HIVEP1: variants seen among roughly 807,000 people sequenced by gnomAD.
The protein encoded by HIVEP1 is HIVEP zinc finger 1, also known as zinc finger protein 40.
HIVEP1 carries 36 observed loss-of-function variants against 180.0 expected under a neutral mutation model. The ratio of observed to expected loss-of-function variants is 0.20; its 90% CI spans 0.15 to 0.26. The LOEUF (loss-of-function observed/expected upper bound fraction) is 0.26. Among genes scored for constraint, HIVEP1 ranks in the 10% least tolerant of loss-of-function variants. The probability of loss-of-function intolerance (pLI) is 1.00; values close to 1 mark genes in which losing one functional copy is unlikely to be tolerated. For missense variants in HIVEP1, 3,143 were observed against 3,268.7 expected (o/e 0.96, Z 0.94); for synonymous variants, 1,239 against 1,239.0 (o/e 1.00, Z 0.00).
chr6:12,050,139 G>T (rs1007954910), intron 2 of HIVEP1, among the ~76,000 whole-genome samples: 4 of 152,064 alleles, frequency 2.6e-5, no homozygotes, highest in Non-Finnish European at 4.4e-5. Flanking sequence ...CACCTACTCC[G>T]CCAGCCCAGT....
the HIVEP1 span, among the ~76,000 whole-genome samples, chr6:12,188,133 T>C: frequency 6.6e-6 from 1 of 152,164 alleles, no homozygotes; most frequent in Admixed American, 6.5e-5. Flanking sequence ...TGGATAACAA[T>C]ATAAATGTCA....
chr6:12,035,869 T>TA (rs1196877397), intron 2 of HIVEP1, among the ~76,000 whole-genome samples: 2 of 152,084 alleles, frequency 1.3e-5, no homozygotes, highest in Non-Finnish European at 2.9e-5. Flanking sequence ...GATAGAAAAA[T>TA]ATAAACTGCT....
chr6:12,141,169 C>A (rs1307658357), intron 7 of HIVEP1, among the ~76,000 whole-genome samples: 1 of 152,186 alleles, frequency 6.6e-6, no homozygotes, highest in African/African-American at 2.4e-5. Flanking sequence ...AACAGCAGAT[C>A]TCTCGGCAGA....
the HIVEP1 span, among the ~76,000 whole-genome samples, chr6:12,192,861 T>TA: frequency 6.6e-6 from 1 of 151,866 alleles, no homozygotes; most frequent in Non-Finnish European, 1.5e-5. Context: ...TTTTTTTTTT[T>TA]ACAATACAGC....
At position 12,121,130 on chromosome 6, in the gene HIVEP1, T is replaced by C; in HGVS notation, c.1335T>C (p.Thr445=). The change falls in exon 4 of 9, where the codon ACT becomes ACC. Residue 445 remains threonine, a synonymous_variant. Transcript: ENST00000379388. This position sits in a 1 kb window ranked among gnomAD's most constrained non-coding sequence, Gnocchi z 5.3. ...TGACTTGTGGATTTTCATTTAAGAC[T>C]AAAAGTAATCTGTATAAGCACAAGA... ...PCVTCGFSFK[T]KSNLYKHKKS... 2 of 1,614,166 alleles carry C rather than the reference T, an allele frequency of 1.2e-6. No homozygotes were observed. Among genetic ancestry groups the C allele is most frequent in the Admixed American group, 3.3e-5 (2 of 60,030 alleles).
At chr6:12,098,541 T>C (rs1471591617) in intron 3 of HIVEP1, among the ~76,000 whole-genome samples, 2 of 152,224 alleles carry the variant, frequency 1.3e-5, no homozygotes, top group Non-Finnish European at 2.9e-5. Flanking sequence ...TTTCCCCAGG[T>C]TTGCTACTGT....
Position 12,121,277 on chromosome 6 carries a change from G to C in HIVEP1, c.1482G>C (p.Glu494Asp). ...SIHSDVEDSGESEEEGATDER... is the reference protein window; with the variant it reads ...SIHSDVEDSGDSEEEGATDER... Reference sequence around the variant, plus strand: ...ATTCAGACGTAGAAGACAGTGGGGAGAGCGAGGAGGAAGGCGCCACTGATG... The same window carrying C: ...ATTCAGACGTAGAAGACAGTGGGGACAGCGAGGAGGAAGGCGCCACTGATG... The change falls in exon 4 of 9, where the codon GAG becomes GAC. Residue 494 changes from glutamate (E) to aspartate (D), a missense_variant. By Grantham distance (45) the Glu-to-Asp change is conservative. Around this residue, in one of 12 missense-constraint regions of HIVEP1, gnomAD observed 365 missense variants for 344.4 expected, o/e 1.06. Coordinates refer to ENST00000379388, the MANE Select transcript of HIVEP1 (RefSeq NM_002114.4). The surrounding 1 kb of genome is among the most constrained non-coding windows in gnomAD (Gnocchi z 5.3). 6.2e-7 allele frequency: 1 copy of C among 1,614,200 alleles called. No individual in the cohort carries two copies. Among genetic ancestry groups the C allele is most frequent in the South Asian group, 1.1e-5 (1 of 91,086 alleles).
chr6:12,157,727 G>A (rs183867852), intron 7 of HIVEP1, among the ~76,000 whole-genome samples: 17 of 152,050 alleles, frequency 1.1e-4, no homozygotes, highest in Admixed American at 3.3e-4. Flanking sequence ...TTGTTTGTTT[G>A]TGTAGATCCG....
chr6:12,206,326 G>A, the HIVEP1 span, among the ~76,000 whole-genome samples: 1 of 151,994 alleles, frequency 6.6e-6, no homozygotes, highest in Non-Finnish European at 1.5e-5. Context: ...GTAGAGACAG[G>A]GTTTCACCAT....
intron 2 of HIVEP1, chr6:12,038,927 C>T (rs1374514037): frequency 6.6e-6 from 1 of 152,158 alleles, no homozygotes; most frequent in African/African-American, 2.4e-5. Context: ...TATAATATAT[C>T]TGTCACAGAT....
chr6:12,134,633 T>C (rs1183627566), intron 6 of HIVEP1, among the ~76,000 whole-genome samples: 1 of 152,246 alleles, frequency 6.6e-6, no homozygotes, highest in African/African-American at 2.4e-5. Context: ...AGAGTTGTTT[T>C]TGTTTCTCAA....
chr6:12,196,441 G>T, the HIVEP1 span, among the ~76,000 whole-genome samples: 1 of 152,166 alleles, frequency 6.6e-6, no homozygotes, highest in Non-Finnish European at 1.5e-5. Flanking sequence ...AAGGGTTCTT[G>T]GGTGTGGACT....
chr6:12,087,314 ATTTG>A (rs1773178607), intron 2 of HIVEP1, among the ~76,000 whole-genome samples: 1 of 152,144 alleles, frequency 6.6e-6, no homozygotes, highest in Admixed American at 6.5e-5. Flanking sequence ...TTCTGTAAGT[ATTTG>A]TTAATCATGA....
chr6:12,150,633 A>G (rs1243685553), intron 7 of HIVEP1, among the ~76,000 whole-genome samples: 1 of 152,224 alleles, frequency 6.6e-6, no homozygotes. Context: ...CATGTGTAGA[A>G]TATGAAACCA....
At position 12,057,002 on chromosome 6, in the gene HIVEP1, A is replaced by G. The variant is rs561368833; in HGVS notation, c.41-32182A>G. ...CAGGTGTGCAGCACCACACCTGACT[A>G]ATTTTTTAAATCTTTTTTGGTAGAG... On this transcript the variant is annotated intron_variant, in intron 2 of 8. Coordinates refer to ENST00000379388, the MANE Select transcript of HIVEP1 (RefSeq NM_002114.4). 1.4e-3 allele frequency among the ~76,000 whole-genome samples: 218 copies of G among 152,050 alleles called. 1 individual carries two copies. The highest frequency in any genetic ancestry group is 4.9e-3 in the African/African-American group (204 of 41,472).
At position 12,086,209 on chromosome 6, in the gene HIVEP1, A is replaced by G. The variant is rs189773828; in HGVS notation, c.41-2975A>G. On this transcript the variant is annotated intron_variant, in intron 2 of 8. Transcript: ENST00000379388. Reference sequence around the variant, plus strand: ...TCTGGATCTTAAAGATTACAGATCCATTCACGTGTTTGCTGGGATCTTTCT... The same window carrying G: ...TCTGGATCTTAAAGATTACAGATCCGTTCACGTGTTTGCTGGGATCTTTCT... Among the ~76,000 whole-genome samples the G allele has an allele frequency of 7.9e-5, 12 of 152,246 alleles. No individual in the cohort carries two copies. The East Asian group carries it at 2.1e-3, about 27-fold the overall frequency.
At chr6:12,110,092 A>G (rs997746344) in intron 3 of HIVEP1, among the ~76,000 whole-genome samples, 3 of 152,260 alleles carry the variant, frequency 2.0e-5, no homozygotes, top group African/African-American at 7.2e-5. Flanking sequence ...CACTCTCAAT[A>G]TTGGGCTTAA....
upstream of HIVEP1, among the ~76,000 whole-genome samples, chr6:12,011,830 C>T (rs1267887369): frequency 2.7e-5 from 4 of 147,488 alleles, no homozygotes; most frequent in African/African-American, 9.8e-5. Flanking sequence ...GTCCCGCGCC[C>T]CTCGCCCCGG....
At chr6:12,167,652 T>TAACATGTATATATAC (rs1760749715), downstream of HIVEP1, among the ~76,000 whole-genome samples, 7 of 19,212 alleles carry the variant, frequency 3.6e-4, no homozygotes, top group Admixed American at 6.3e-4. Flanking sequence ...TATACATATA[T>TAACATGTATATATAC]ATGTTATATA....
Sources: allele counts gnomAD v4.1 joint callset (sites outside exome capture counted in the v4.1 genomes callset), GRCh38; gene constraint gnomAD v4.1.1; regional missense constraint gnomAD v4.1.1; non-coding constraint Gnocchi (gnomAD v3.1); transcripts MANE v1.5; gene names NCBI Gene and HGNC (gene_info 2026-07-23, HGNC 2026-07-21).